The following LARGE1 variants were observed in gnomAD, a reference collection of about 807,000 sequenced individuals.
LARGE1 encodes the protein LARGE xylosyl- and glucuronyltransferase 1.
LARGE1 carries 43 observed loss-of-function variants against 87.6 expected under a neutral mutation model. That is an observed-to-expected ratio of 0.49 (90% CI 0.38 to 0.63). The LOEUF (loss-of-function observed/expected upper bound fraction) is 0.63. LARGE1 is among the 30% of genes least tolerant of loss of function. The pLI is 0.00. For synonymous variants in LARGE1, 434 were observed against 394.6 expected, an observed-to-expected ratio of 1.10 and a Z score of -1.18; for missense variants, 802 against 1,000.2, an observed-to-expected ratio of 0.80 and a Z score of 2.67.
At chr22:33,100,966 C>T in the LARGE1 span, among the ~76,000 whole-genome samples, 1 of 152,074 alleles carries the variant, frequency 6.6e-6, no homozygotes, top group Admixed American at 6.6e-5. Flanking sequence ...CTGCCTCAGC[C>T]TCCCGAGTAG....
intron 2 of LARGE1, among the ~76,000 whole-genome samples, chr22:33,704,377 A>G (rs1033792281): frequency 8.5e-5 from 13 of 152,302 alleles, no homozygotes; most frequent in Admixed American, 2.0e-4. Context: ...GTATGGCTAC[A>G]AAGACCTCGT....
intron 5 of LARGE1, among the ~76,000 whole-genome samples, chr22:33,568,345 T>G (rs2148804999): frequency 6.6e-6 from 1 of 152,272 alleles, no homozygotes; most frequent in Admixed American, 6.5e-5. Context: ...TAGAGATGCT[T>G]TATGCATCAG....
rs550456351 is a variant in LARGE1, at chr22:33,266,121, TA to T, written c.1730+38107del. Among the ~76,000 whole-genome samples, 973 of 124,990 alleles carry T rather than the reference TA, an allele frequency of 7.8e-3. 8 individuals carry two copies. Among genetic ancestry groups the T allele is most frequent in the South Asian group, 0.012 (48 of 4,008 alleles). The allele number at this position is 124,990 out of a possible 152,430, so 82.0% of individuals were successfully genotyped here. A position where few individuals can be genotyped will look rare whatever the true frequency, so the allele number is the denominator to read the frequency against. ...GAAAACATGAGAATATAAGATGGGA[TA>T]AAAATCAGTAAGCAAGAACTCAATA... On this transcript the variant is annotated intron_variant, in intron 11 of 11. Coordinates refer to the LARGE1 transcript ENST00000608642.
chr22:33,599,843 G>A (rs1012637868), intron 5 of LARGE1, among the ~76,000 whole-genome samples: 3 of 152,174 alleles, frequency 2.0e-5, no homozygotes, highest in Admixed American at 6.5e-5. Flanking sequence ...TGTGGAACAC[G>A]GCGCAAGTCC....
intron 5 of LARGE1, among the ~76,000 whole-genome samples, chr22:33,591,582 C>T (rs988427709): frequency 6.6e-6 from 1 of 152,092 alleles, no homozygotes; most frequent in African/African-American, 2.4e-5. Flanking sequence ...TTGGCAAATT[C>T]TTTCTTTCAG....
intron 7 of LARGE1, among the ~76,000 whole-genome samples, chr22:33,403,087 T>C (rs1455826078): frequency 6.6e-6 from 1 of 152,166 alleles, no homozygotes; most frequent in Non-Finnish European, 1.5e-5. Flanking sequence ...TACTACATAG[T>C]ACAATCTACA....
At chr22:33,074,993 G>A in the LARGE1 span, among the ~76,000 whole-genome samples, 13 of 152,180 alleles carry the variant, frequency 8.5e-5, no homozygotes, top group African/African-American at 3.1e-4. Flanking sequence ...GGAATTCCAA[G>A]CTTAGCGAGC....
chr22:33,823,586 C>A (rs1046229846), intron 1 of LARGE1, among the ~76,000 whole-genome samples: 6 of 152,300 alleles, frequency 3.9e-5, no homozygotes, highest in African/African-American at 9.6e-5. Flanking sequence ...ATAGGTCCGA[C>A]GACATGATTT....
intron 7 of LARGE1, among the ~76,000 whole-genome samples, chr22:33,401,466 G>A (rs1210715608): frequency 6.6e-6 from 1 of 151,988 alleles, no homozygotes; most frequent in Non-Finnish European, 1.5e-5. Context: ...CAGCCCATTA[G>A]TCATAAAAAA....
chr22:33,230,240 T>G (rs972705566), intron 11 of LARGE1, among the ~76,000 whole-genome samples: 1 of 151,884 alleles, frequency 6.6e-6, no homozygotes, highest in African/African-American at 2.4e-5. Context: ...TCTCGATCTC[T>G]TGACCTCGTA....
chr22:33,188,058 T>A (rs1055963085), intron 11 of LARGE1, among the ~76,000 whole-genome samples: 3 of 151,070 alleles, frequency 2.0e-5, no homozygotes, highest in Admixed American at 6.6e-5. Context: ...CCACAACGTA[T>A]GCATATTTCA....
chr22:33,643,503 C>T (rs951625971), intron 3 of LARGE1, among the ~76,000 whole-genome samples: 1 of 151,868 alleles, frequency 6.6e-6, no homozygotes, highest in African/African-American at 2.4e-5. Context: ...AAATTCAAAA[C>T]CTAGCAGAAG....
At chr22:33,616,156 C>G (rs1334975105) in intron 4 of LARGE1, among the ~76,000 whole-genome samples, 19 of 151,930 alleles carry the variant, frequency 1.3e-4, no homozygotes, top group Admixed American at 1.2e-3. Context: ...AATATGAAAA[C>G]AGATGTCAAC....
At chr22:33,517,936 G>A (rs982309182) in intron 6 of LARGE1, among the ~76,000 whole-genome samples, 2 of 152,218 alleles carry the variant, frequency 1.3e-5, no homozygotes, top group African/African-American at 4.8e-5. Context: ...GGACTGGCCT[G>A]AAGATTATAA....
At chr22:33,442,900 C>T (rs2067533042) in intron 6 of LARGE1, among the ~76,000 whole-genome samples, 1 of 151,822 alleles carries the variant, frequency 6.6e-6, no homozygotes, top group South Asian at 2.1e-4. Flanking sequence ...TCACGCCATT[C>T]TCCTGCCTCA....
At chr22:33,350,646 C>A (rs2267194) in intron 9 of LARGE1, among the ~76,000 whole-genome samples, 2 of 152,182 alleles carry the variant, frequency 1.3e-5, no homozygotes, top group African/African-American at 4.8e-5. Context: ...CCGTAGGATT[C>A]GCTGCTTGGA....
chr22:33,218,416 A>T (rs112697659), intron 11 of LARGE1, among the ~76,000 whole-genome samples: 9 of 152,228 alleles, frequency 5.9e-5, no homozygotes, highest in African/African-American at 2.2e-4. Context: ...GCATGCACAA[A>T]TACTATTCAT....
chr22:33,516,683 G>A (rs1226908062), intron 6 of LARGE1, among the ~76,000 whole-genome samples: 2 of 152,082 alleles, frequency 1.3e-5, no homozygotes, highest in African/African-American at 4.8e-5. Context: ...TCCGCCTTCC[G>A]GGTTCAAGCG....
chr22:33,318,354 T>G (rs922459863), intron 10 of LARGE1, among the ~76,000 whole-genome samples: 1 of 152,154 alleles, frequency 6.6e-6, no homozygotes, highest in African/African-American at 2.4e-5. Context: ...AGTGAGAACA[T>G]GCGGTGTTTG....
Sources: allele counts gnomAD v4.1 joint callset (sites outside exome capture counted in the v4.1 genomes callset), GRCh38; gene constraint gnomAD v4.1.1; transcripts MANE v1.5; gene names NCBI Gene and HGNC (gene_info 2026-07-23, HGNC 2026-07-21).